The following CSF2RB variants were observed in gnomAD, a reference collection of about 807,000 sequenced individuals.
CSF2RB encodes the protein colony stimulating factor 2 receptor subunit beta.
Under a neutral mutation model 67.2 loss-of-function variants are expected in CSF2RB, and 22 were observed. The ratio of observed to expected loss-of-function variants is 0.33; its 90% CI spans 0.23 to 0.47. The LOEUF is 0.47. CSF2RB is among the 20% of genes least tolerant of loss of function. The pLI, the probability that CSF2RB is intolerant of heterozygous loss-of-function variation, is 1.00. For missense variants in CSF2RB, 1,113 were observed against 1,174.5 expected (o/e 0.95, Z 0.76); for synonymous variants, 507 against 482.9 (o/e 1.05, Z -0.65).
intron 10 of CSF2RB, among the ~76,000 whole-genome samples, chr22:36,934,542 C>A (rs1231639362): frequency 6.6e-6 from 1 of 152,160 alleles, no homozygotes; most frequent in Admixed American, 6.5e-5. Context: ...TTGCTCAGCC[C>A]GAGTTTCCTG....
rs566689068 is a variant in CSF2RB at position 36,936,724 on chromosome 22, G to A, written c.1568+72G>A. The A allele has an allele frequency of 6.1e-5, 83 of 1,355,594 alleles. No individual in the cohort carries two copies. In the African/African-American group the frequency reaches 1.0e-3, roughly 17 times the overall value. The allele number at this position is 1,355,594 out of a possible 1,614,324, so 84.0% of individuals were successfully genotyped here. ...GGGCTGACTCCATTGTGGAAATCAGGGACTCAAGTGAGGCTGCCTGTGGCT... is the reference window on the plus strand; with the variant it reads ...GGGCTGACTCCATTGTGGAAATCAGAGACTCAAGTGAGGCTGCCTGTGGCT... On this transcript the variant is annotated intron_variant, in intron 13 of 13. Coordinates refer to ENST00000403662, the MANE Select transcript of CSF2RB (RefSeq NM_000395.3).
chr22:36,930,151 A>G (rs1941116907), intron 6 of CSF2RB, among the ~76,000 whole-genome samples: 1 of 152,154 alleles, frequency 6.6e-6, no homozygotes, highest in South Asian at 2.1e-4. Flanking sequence ...TGAAACTTAG[A>G]TACTATTTCC....
chr22:36,938,495 T>C lies in CSF2RB; in HGVS notation c.2687T>C (p.Val896Ala). Residue 896 changes from valine to alanine, a missense_variant, in exon 14 of 14, where the codon GTG (valine) becomes GCG (alanine). This residue lies in a region of CSF2RB where 554 missense variants were observed against 517.9 expected (regional missense o/e 1.07). Coordinates refer to ENST00000403662, the MANE Select transcript of CSF2RB (RefSeq NM_000395.3). ...PPWEVNKPGE[V>A]C ...TGGGAGGTCAACAAGCCTGGGGAGG[T>C]GTGTTGAGACCCCCAGGCCTAGACA... 6.2e-6 allele frequency: 10 copies of C among 1,612,022 alleles called. No individual in the cohort carries two copies. Among genetic ancestry groups the C allele is most frequent in the Non-Finnish European group, 8.5e-6 (10 of 1,178,954 alleles).
In CSF2RB at chr22:36,923,357, CGGGTGAAT is replaced by C; in HGVS notation, c.192_199del (p.Val65GlyfsTer9). Reference sequence around the variant, plus strand: ...GCTCGTCAACGTGACCCTCATTCGCCGGGTGAATGAGTGAGTGATGCTGGGGGCAGGGG... The same window carrying C: ...GCTCGTCAACGTGACCCTCATTCGCCGAGTGAGTGATGCTGGGGGCAGGGG... On this transcript the variant is annotated frameshift_variant and splice_region_variant, in exon 3 of 14. Coordinates refer to ENST00000403662, the MANE Select transcript of CSF2RB (RefSeq NM_000395.3). LOFTEE classifies it high-confidence loss of function. 6.2e-7 allele frequency: 1 copy of C among 1,613,804 alleles called. No homozygotes were observed. Among genetic ancestry groups the C allele is most frequent in the Non-Finnish European group, 8.5e-7 (1 of 1,179,814 alleles).
intron 4 of CSF2RB, among the ~76,000 whole-genome samples, chr22:36,929,174 C>T (rs1468629192): frequency 2.0e-5 from 3 of 152,212 alleles, no homozygotes; most frequent in African/African-American, 4.8e-5. Context: ...GTTCGGGTCA[C>T]GTGCGCATTG....
intron 1 of CSF2RB, among the ~76,000 whole-genome samples, chr22:36,919,856 T>C (rs1940812245): frequency 6.6e-6 from 1 of 152,232 alleles, no homozygotes; most frequent in South Asian, 2.1e-4. Flanking sequence ...TGTACTCTTT[T>C]ATTTTTGCTG....
chr22:36,932,478 C>G (rs191505546), intron 8 of CSF2RB, among the ~76,000 whole-genome samples: 332 of 150,140 alleles, frequency 2.2e-3, no homozygotes, highest in African/African-American at 7.8e-3. Context: ...AGAATAGAAC[C>G]AACTAACAGT....
rs1433057022 is a variant in CSF2RB, at chr22:36,938,383, A to G, written c.2575A>G (p.Lys859Glu). The G allele has an allele frequency of 6.2e-7, 1 of 1,614,078 alleles. No homozygotes were observed. Among genetic ancestry groups the G allele is most frequent in the Non-Finnish European group, 8.5e-7 (1 of 1,179,986 alleles). The part of the protein sequence containing the change: ...KNLDQAFQVK[K>E]PPGQAVPQVP... ...CCTAGACCAGGCTTTTCAAGTCAAG[A>G]AGCCCCCAGGCCAGGCTGTGCCCCA... The change falls in exon 14 of 14, where the codon AAG becomes GAG. Residue 859 changes from lysine (K) to glutamate (E), a missense_variant. Physicochemically the swap from Lys to Glu is moderately conservative, Grantham distance 56. Coordinates refer to ENST00000403662, the MANE Select transcript of CSF2RB (RefSeq NM_000395.3).
rs748955292 is a variant in CSF2RB at position 36,938,545 on chromosome 22, C to T, written c.*43C>T. ...AGGCAAGGGGATGGAGAGGGCTTGC[C>T]TTCCCTCCCGCCTGACCTTCCTCAG... is the stretch of plus-strand genomic sequence containing the variant. On this transcript the variant is annotated 3_prime_UTR_variant, in exon 14 of 14. Transcript: ENST00000403662. The T allele has an allele frequency of 1.9e-6, 3 of 1,570,614 alleles. No homozygotes were observed. The highest frequency in any genetic ancestry group is 2.6e-6 in the Non-Finnish European group (3 of 1,157,008).
At position 36,923,637 on chromosome 22, in the gene CSF2RB, T is replaced by C. The variant is rs537768462; in HGVS notation, c.200+270T>C. 4.0e-5 allele frequency: 37 copies of C among 921,150 alleles called. No individual in the cohort carries two copies. In the African/African-American group the frequency reaches 6.1e-4, roughly 15 times the overall value. The allele number at this position is 921,150 out of a possible 1,614,324, so 57.1% of individuals were successfully genotyped here. On this transcript the variant is annotated intron_variant, in intron 3 of 13. Coordinates refer to ENST00000403662, the MANE Select transcript of CSF2RB (RefSeq NM_000395.3). ...TGGTGGCAATGGTGAAAATCTTCTC[T>C]TGTTTCATCACAATTTAACACAATT... is the stretch of plus-strand genomic sequence containing the variant.
Position 36,939,433 on chromosome 22 carries a change from T to G in CSF2RB, c.*931T>G. 1 of 583,386 alleles carries G rather than the reference T, an allele frequency of 1.7e-6. No individual in the cohort carries two copies. The highest frequency in any genetic ancestry group is 2.9e-5 in the East Asian group (1 of 34,616). The allele number at this position is 583,386 out of a possible 1,614,324, so 36.1% of individuals were successfully genotyped here. ...TGGCCCGGGTGGCCACTCTTCCAGA[T>G]AGACCAGGCAACTCTCCCTCCCACC... On this transcript the variant is annotated 3_prime_UTR_variant, in exon 14 of 14. Transcript: ENST00000403662.
intron 3 of CSF2RB, among the ~76,000 whole-genome samples, chr22:36,924,773 GT>G (rs1940971412): frequency 6.6e-6 from 1 of 152,140 alleles, no homozygotes; most frequent in South Asian, 2.1e-4. Context: ...CCTCCCTGCA[GT>G]TTCTCTTGCA....
chr22:36,923,176 GC>G, intron 2 of CSF2RB, 67 bp from the exon 3 acceptor site: 1 of 1,612,798 alleles, frequency 6.2e-7, no homozygotes, highest in Middle Eastern at 1.7e-4. Context: ...TCCCAAAGCA[GC>G]TGGGGGTGAT....
intron 9 of CSF2RB, 128 bp downstream of exon 9, chr22:36,933,032 C>CCA (rs1569137414): frequency 9.0e-7 from 1 of 1,113,038 alleles, no homozygotes; most frequent in African/African-American, 1.5e-5. Context: ...GCCACTGGGA[C>CCA]GTGGTGATCA....
At position 36,930,703 on chromosome 22, in the gene CSF2RB, G is replaced by A. The variant is rs571343472; in HGVS notation, c.885G>A (p.Glu295=). 2.5e-6 allele frequency: 4 copies of A among 1,613,076 alleles called. No homozygotes were observed. The highest frequency in any genetic ancestry group is 1.3e-5 in the African/African-American group (1 of 74,998). The change falls in exon 8 of 14, where the codon GAG becomes GAA. Residue 295 remains glutamate, a synonymous_variant. Transcript: ENST00000403662. The part of the protein sequence containing the change: ...GEEECSPVLR[E]GLGSLHTRHH... ...AAGAGTGCTCCCCAGTGCTGAGGGA[G>A]GGGCTCGGCAGCCTCCACACCAGGC... is the stretch of plus-strand genomic sequence containing the variant.
chr22:36,917,955 C>T (rs1212363025), intron 1 of CSF2RB, among the ~76,000 whole-genome samples: 1 of 151,980 alleles, frequency 6.6e-6, no homozygotes, highest in Admixed American at 6.6e-5. Flanking sequence ...TTTAAAGAAA[C>T]CATATTTGCT....
Position 36,922,248 on chromosome 22 carries a change from C to T in CSF2RB, c.41C>T (p.Ala14Val). Reference sequence around the variant, plus strand: ...GGGCTGCTCTCCATGGCCCTGCTGGCCCTGTGCTGGGAGCGCAGCCTGGCA... The same window carrying T: ...GGGCTGCTCTCCATGGCCCTGCTGGTCCTGTGCTGGGAGCGCAGCCTGGCA... ...AQGLLSMALL[A>V]LCWERSLAGA... is the part of the protein sequence containing the mutation. The change falls in exon 2 of 14, where the codon GCC (alanine) becomes GTC (valine). Residue 14 changes from alanine to valine, a missense_variant. Ala to Val is a moderately conservative substitution (Grantham distance 64). Transcript: ENST00000403662. The T allele has an allele frequency of 5.0e-6, 8 of 1,588,440 alleles. No homozygotes were observed. The highest frequency in any genetic ancestry group is 6.8e-6 in the Non-Finnish European group (8 of 1,168,034).
intron 1 of CSF2RB, among the ~76,000 whole-genome samples, chr22:36,914,376 G>A (rs1940668852): frequency 6.8e-6 from 1 of 147,082 alleles, no homozygotes; most frequent in Non-Finnish European, 1.5e-5. Context: ...GACATACCAG[G>A]CACTATCCAG....
At chr22:36,918,829 C>T (rs1367304258) in intron 1 of CSF2RB, among the ~76,000 whole-genome samples, 1 of 152,212 alleles carries the variant, frequency 6.6e-6, no homozygotes, top group Non-Finnish European at 1.5e-5. Context: ...AGTGGGAATC[C>T]AGCTTCCTCT....
Sources: allele counts gnomAD v4.1 joint callset (sites outside exome capture counted in the v4.1 genomes callset), GRCh38; gene constraint gnomAD v4.1.1; regional missense constraint gnomAD v4.1.1; transcripts MANE v1.5; gene names NCBI Gene and HGNC (gene_info 2026-07-23, HGNC 2026-07-21).